CCDC50: variants seen among roughly 807,000 people sequenced by gnomAD.
CCDC50 encodes coiled-coil domain-containing protein 50.
Under a neutral mutation model 70.2 loss-of-function variants are expected in CCDC50, and 54 were observed. That is an observed-to-expected ratio of 0.77 (90% CI 0.62 to 0.96). The LOEUF (loss-of-function observed/expected upper bound fraction) is 0.96. Among genes scored for constraint, CCDC50 ranks in the 50% least tolerant of loss-of-function variants. The pLI, the probability that CCDC50 is intolerant of heterozygous loss-of-function variation, is 0.00. For synonymous variants in CCDC50, 216 were observed against 198.8 expected (o/e 1.09, Z -0.73); for missense variants, 558 against 578.7 (o/e 0.96, Z 0.37).
Position 191,375,507 on chromosome 3 carries a change from AG to A in CCDC50, c.896del (p.Gly299ValfsTer29). 1 of 1,613,694 alleles carries A rather than the reference AG, an allele frequency of 6.2e-7. No individual in the cohort carries two copies. Among genetic ancestry groups the A allele is most frequent in the Non-Finnish European group, 8.5e-7 (1 of 1,179,826 alleles). On this transcript the variant is annotated frameshift_variant, in exon 6 of 12. Transcript: ENST00000392455. LOFTEE classifies it high-confidence loss of function. ...EVVYGRDHGQ[G>X]EHRKRRHRPR... ...TTGTATATGGGAGGGACCATGGGCA[AG>A]GTGAGCACAGAAAAAGGAGACACAG...
Position 191,375,591 on chromosome 3 carries a change from TA to T in CCDC50, c.976+4del. The T allele has an allele frequency of 6.2e-7, 1 of 1,612,618 alleles. No individual in the cohort carries two copies. On this transcript the variant is annotated splice_donor_region_variant and intron_variant, in intron 6 of 11. Coordinates refer to ENST00000392455, the MANE Select transcript of CCDC50 (RefSeq NM_178335.3). ...AGCAGCTCCACCTCCATGACGCAGG[TA>T]ATAGAGGACAGTCTCGATGGAAGTC...
intron 11 of CCDC50, among the ~76,000 whole-genome samples, chr3:191,389,853 CTTTTTTTTTTTT>C (rs10635756): frequency 2.1e-4 from 18 of 84,658 alleles, no homozygotes; most frequent in Non-Finnish European, 3.0e-4. Flanking sequence ...ATCAAATTCA[CTTTTTTTTTTTT>C]TTTTTTTTTT....
intron 5 of CCDC50, among the ~76,000 whole-genome samples, chr3:191,370,485 T>G (rs1431252248): frequency 1.5e-5 from 2 of 133,488 alleles, no homozygotes; most frequent in Non-Finnish European, 3.3e-5. Context: ...TTTGTTTTTT[T>G]GTTTTTTTTT....
At chr3:191,363,994 A>T (rs895879220) in intron 4 of CCDC50, among the ~76,000 whole-genome samples, 1 of 152,152 alleles carries the variant, frequency 6.6e-6, no homozygotes, top group Non-Finnish European at 1.5e-5. Context: ...GAGGAAACTA[A>T]TACTGAGACA....
chr3:191,367,683 T>C (rs9843934), intron 4 of CCDC50, among the ~76,000 whole-genome samples: 48,231 of 151,908 alleles, frequency 0.32, 7,665 homozygotes, highest in Non-Finnish European at 0.32. Flanking sequence ...GAGCATAGTT[T>C]ATAATTTCTT....
chr3:191,356,620 CAT>C (rs965819544), intron 1 of CCDC50, among the ~76,000 whole-genome samples: 3 of 152,214 alleles, frequency 2.0e-5, no homozygotes, highest in African/African-American at 7.2e-5. Context: ...CCAGGGTAGA[CAT>C]AAATTGCTGG....
At chr3:191,364,759 G>A (rs372385621) in intron 4 of CCDC50, among the ~76,000 whole-genome samples, 213 of 151,928 alleles carry the variant, frequency 1.4e-3, no homozygotes, top group Middle Eastern at 0.01. Context: ...GGACACAGAT[G>A]TGGAAAAGTT....
intron 1 of CCDC50, among the ~76,000 whole-genome samples, chr3:191,351,070 C>T (rs554902367): frequency 4.2e-5 from 6 of 141,662 alleles, no homozygotes; most frequent in African/African-American, 1.5e-4. Flanking sequence ...ATTCTAAAGA[C>T]TCTTACCCCA....
At chr3:191,329,874 C>A in intron 1 of CCDC50, 151 bp downstream of exon 1, 1 of 623,934 alleles carries the variant, frequency 1.6e-6, no homozygotes, top group Non-Finnish European at 2.5e-6. Context: ...GAATTGAATT[C>A]AGGTTCTAGT....
chr3:191,361,066 T>A lies in CCDC50; in HGVS notation c.240-3T>A. The A allele has an allele frequency of 6.2e-7, 1 of 1,611,234 alleles. No individual in the cohort carries two copies. On this transcript the variant is annotated splice_polypyrimidine_tract_variant and splice_region_variant and intron_variant, in intron 3 of 11. Transcript: ENST00000392455. ...TATTCATGTTTTCACCTTTGCTTTT[T>A]AGTGAACAACAAGACTGTGAAATTG... is the stretch of plus-strand genomic sequence containing the variant.
At chr3:191,388,615 A>C (rs1713579323) in intron 10 of CCDC50, among the ~76,000 whole-genome samples, 1 of 152,154 alleles carries the variant, frequency 6.6e-6, no homozygotes, top group Admixed American at 6.5e-5. Flanking sequence ...AAAATTTGGA[A>C]ACACTTGCTT....
intron 1 of CCDC50, among the ~76,000 whole-genome samples, chr3:191,354,488 T>C (rs1712209918): frequency 6.6e-6 from 1 of 152,226 alleles, no homozygotes. Context: ...AAAAATGTAA[T>C]AATTTCATAA....
intron 11 of CCDC50, among the ~76,000 whole-genome samples, chr3:191,390,706 C>A (rs293838): frequency 0.83 from 126,096 of 152,098 alleles, 52,528 homozygotes; most frequent in Non-Finnish European, 0.85. Flanking sequence ...ATTTGTCACC[C>A]TCTTGGTTTT....
intron 6 of CCDC50, among the ~76,000 whole-genome samples, chr3:191,377,067 T>A (rs1362733608): frequency 6.6e-6 from 1 of 152,182 alleles, no homozygotes; most frequent in Non-Finnish European, 1.5e-5. Flanking sequence ...TTTTGTTTTT[T>A]ATTTTGCCAG....
intron 1 of CCDC50, among the ~76,000 whole-genome samples, chr3:191,342,950 TAA>T (rs1394822107): frequency 1.3e-5 from 2 of 152,220 alleles, no homozygotes. Flanking sequence ...TAAGTACCTT[TAA>T]AATATCCTGC....
At chr3:191,378,080 A>G (rs539433668) in intron 6 of CCDC50, among the ~76,000 whole-genome samples, 6 of 152,244 alleles carry the variant, frequency 3.9e-5, no homozygotes, top group African/African-American at 1.2e-4. Context: ...ACTGCAGAGA[A>G]TGGGCATCCT....
intron 2 of CCDC50, among the ~76,000 whole-genome samples, chr3:191,357,618 G>A (rs1712335453): frequency 6.6e-6 from 1 of 152,174 alleles, no homozygotes; most frequent in African/African-American, 2.4e-5. Flanking sequence ...GTACATACTT[G>A]TGAATATATG....
chr3:191,378,200 T>C (rs564611051), intron 6 of CCDC50, among the ~76,000 whole-genome samples: 57 of 152,206 alleles, frequency 3.7e-4, no homozygotes, highest in African/African-American at 1.3e-3. Context: ...CCTCTAAATA[T>C]TTGGAACTGA....
chr3:191,381,571 C>G (rs963859619), intron 9 of CCDC50, among the ~76,000 whole-genome samples: 1 of 152,058 alleles, frequency 6.6e-6, no homozygotes, highest in Non-Finnish European at 1.5e-5. Flanking sequence ...AGTGACAGCG[C>G]GTAAGACAAC....
Sources: gnomAD v4.1 joint callset for allele counts (sites outside exome capture counted in the v4.1 genomes callset) on GRCh38, gnomAD v4.1.1 for gene constraint, MANE v1.5 for transcripts, NCBI Gene and HGNC (gene_info 2026-07-23, HGNC 2026-07-21) for gene names.